Variants in NLGN1 observed in about 807,000 individuals in gnomAD.
The protein encoded by NLGN1 is neuroligin-1.
A neutral mutation model predicts 65.5 loss-of-function variants in NLGN1; 12 were observed. The ratio of observed to expected loss-of-function variants is 0.18; its 90% CI spans 0.12 to 0.30. The LOEUF (loss-of-function observed/expected upper bound fraction) is 0.30. Among genes scored for constraint, NLGN1 ranks in the 10% least tolerant of loss-of-function variants. NLGN1 has a pLI of 1.00. For missense variants in NLGN1, 750 were observed against 1,007.1 expected, an observed-to-expected ratio of 0.74 and a Z score of 3.46; for synonymous variants, 350 against 359.5, an observed-to-expected ratio of 0.97 and a Z score of 0.30.
chr3:173,684,701 G>A (rs913221141), intron 3 of NLGN1, among the ~76,000 whole-genome samples: 1 of 152,038 alleles, frequency 6.6e-6, no homozygotes, highest in African/African-American at 2.4e-5. Context: ...TTTTGTTTGT[G>A]TTCAAATTAC....
At chr3:174,061,096 T>G (rs1737312727) in intron 4 of NLGN1, among the ~76,000 whole-genome samples, 1 of 152,096 alleles carries the variant, frequency 6.6e-6, no homozygotes, top group South Asian at 2.1e-4. Flanking sequence ...AAGTTTTCAC[T>G]TGGGATCTTC....
chr3:173,914,140 C>T (rs1740236181), intron 4 of NLGN1, among the ~76,000 whole-genome samples: 1 of 152,186 alleles, frequency 6.6e-6, no homozygotes, highest in Admixed American at 6.5e-5. Flanking sequence ...GGTACTCCAA[C>T]AGCCATCTCT....
chr3:173,873,173 C>T (rs1323252063), intron 4 of NLGN1, among the ~76,000 whole-genome samples: 1 of 151,804 alleles, frequency 6.6e-6, no homozygotes, highest in Non-Finnish European at 1.5e-5. Context: ...ACTGCAACCT[C>T]TGCCTCCCAG....
chr3:174,067,334 A>C (rs1357987641), intron 4 of NLGN1, among the ~76,000 whole-genome samples: 1 of 152,208 alleles, frequency 6.6e-6, no homozygotes, highest in Non-Finnish European at 1.5e-5. Flanking sequence ...TGATTATAAA[A>C]GCAGTCTGAA....
chr3:173,585,135 G>C (rs1402313902), intron 2 of NLGN1: 1 of 152,158 alleles, frequency 6.6e-6, no homozygotes, highest in Non-Finnish European at 1.5e-5. Context: ...AGAGAGAAAG[G>C]GGAATATAAA....
At chr3:173,519,471 C>T (rs1439820820) in intron 2 of NLGN1, among the ~76,000 whole-genome samples, 1 of 152,266 alleles carries the variant, frequency 6.6e-6, no homozygotes, top group Non-Finnish European at 1.5e-5. Context: ...CCCTGGAAAG[C>T]CACAGAGGCA....
intron 4 of NLGN1, among the ~76,000 whole-genome samples, chr3:174,233,480 C>A (rs1359164533): frequency 6.9e-6 from 1 of 145,596 alleles, no homozygotes; most frequent in South Asian, 2.2e-4. Context: ...GAGCAAAACT[C>A]TGTCTCATAA....
intron 4 of NLGN1, among the ~76,000 whole-genome samples, chr3:174,246,264 T>C (rs947499325): frequency 3.9e-5 from 6 of 152,196 alleles, no homozygotes; most frequent in Non-Finnish European, 8.8e-5. Flanking sequence ...TGAAAATCAT[T>C]AATTTTTCAG....
intron 2 of NLGN1, among the ~76,000 whole-genome samples, chr3:173,470,133 T>C (rs951882642): frequency 2.6e-5 from 4 of 152,104 alleles, no homozygotes; most frequent in Non-Finnish European, 5.9e-5. Flanking sequence ...AACACAGAGA[T>C]GATTGTATCT....
chr3:173,874,402 T>C (rs1311741545), intron 4 of NLGN1, among the ~76,000 whole-genome samples: 1 of 152,186 alleles, frequency 6.6e-6, no homozygotes, highest in East Asian at 1.9e-4. Flanking sequence ...CTTATGTAAA[T>C]ACAGTTTTCA....
At chr3:174,233,648 C>T (rs1010774100) in intron 4 of NLGN1, among the ~76,000 whole-genome samples, 1 of 151,994 alleles carries the variant, frequency 6.6e-6, no homozygotes, top group Non-Finnish European at 1.5e-5. Flanking sequence ...AAGTTGTAAT[C>T]GGGAGGCATT....
chr3:173,740,978 A>AAAC (rs1423536750), intron 3 of NLGN1, among the ~76,000 whole-genome samples: 5 of 152,160 alleles, frequency 3.3e-5, no homozygotes, highest in Non-Finnish European at 7.4e-5. Context: ...TGACTTTATA[A>AAAC]AACACGCAAA....
intron 4 of NLGN1, 47 bp downstream of exon 4, chr3:173,807,879 G>A (rs1490350850): frequency 6.4e-7 from 1 of 1,567,996 alleles, no homozygotes; most frequent in Admixed American, 1.7e-5. Context: ...CATGAAGTAT[G>A]TGATGGTTTT....
chr3:173,444,732 C>A (rs1477451414), intron 2 of NLGN1, among the ~76,000 whole-genome samples: 1 of 151,708 alleles, frequency 6.6e-6, no homozygotes, highest in African/African-American at 2.4e-5. Flanking sequence ...ATCTATCTAT[C>A]TATATATACA....
At chr3:174,068,198 C>T (rs1338245341) in intron 4 of NLGN1, among the ~76,000 whole-genome samples, 5 of 151,862 alleles carry the variant, frequency 3.3e-5, no homozygotes, top group African/African-American at 1.2e-4. Flanking sequence ...GCCCGCTCTG[C>T]CTAGGTACTC....
chr3:173,800,875 T>G (rs1464049775), intron 3 of NLGN1, among the ~76,000 whole-genome samples: 1 of 151,984 alleles, frequency 6.6e-6, no homozygotes, highest in Non-Finnish European at 1.5e-5. Flanking sequence ...AAAAATACTG[T>G]TTTCTGTTTA....
intron 3 of NLGN1, among the ~76,000 whole-genome samples, chr3:173,770,173 C>T (rs1303432945): frequency 6.6e-6 from 1 of 152,112 alleles, no homozygotes; most frequent in Non-Finnish European, 1.5e-5. Flanking sequence ...TTCATTTATT[C>T]TGTGGTGGAA....
chr3:174,055,090 T>G (rs1305543918), intron 4 of NLGN1, among the ~76,000 whole-genome samples: 1 of 151,724 alleles, frequency 6.6e-6, no homozygotes, highest in Non-Finnish European at 1.5e-5. Context: ...ACAGCACCTA[T>G]TGCCTGGATC....
intron 3 of NLGN1, among the ~76,000 whole-genome samples, chr3:173,669,057 T>TA (rs368491654): frequency 1.7e-4 from 26 of 152,314 alleles, no homozygotes; most frequent in Non-Finnish European, 2.5e-4. Flanking sequence ...ATATGATTGT[T>TA]ATGTTTGCAT....
Sources: allele counts gnomAD v4.1 joint callset (sites outside exome capture counted in the v4.1 genomes callset), GRCh38; gene constraint gnomAD v4.1.1; transcripts MANE v1.5; gene names NCBI Gene and HGNC (gene_info 2026-07-23, HGNC 2026-07-21).